Variants in IL1RAPL2 observed in about 807,000 individuals in gnomAD.
IL1RAPL2 encodes X-linked interleukin-1 receptor accessory protein-like 2.
A neutral mutation model predicts 44.1 loss-of-function variants in IL1RAPL2; 3 were observed. That is an observed-to-expected ratio of 0.07 (90% CI 0.03 to 0.18). IL1RAPL2 has a LOEUF of 0.18. Ranked by LOEUF, IL1RAPL2 falls within the 10% of genes least tolerant of loss-of-function variation. The pLI, the probability that IL1RAPL2 is intolerant of heterozygous loss-of-function variation, is 1.00. For synonymous variants in IL1RAPL2, 181 were observed against 178.8 expected (o/e 1.01, Z -0.10); for missense variants, 391 against 496.4 (o/e 0.79, Z 2.02).
chrX:104,861,762 C>A (rs763153611), intron 2 of IL1RAPL2, among the ~76,000 whole-genome samples: 7 of 111,650 alleles, frequency 6.3e-5, no homozygotes, highest in African/African-American at 2.3e-4. Context: ...CTTGAGATTA[C>A]TTTCAATACC....
At chrX:105,349,064 A>G (rs768432995) in intron 5 of IL1RAPL2, among the ~76,000 whole-genome samples, 1 of 112,338 alleles carries the variant, frequency 8.9e-6, no homozygotes, top group Admixed American at 9.5e-5. Flanking sequence ...AAGACTACCA[A>G]TGTTTTCACC....
intron 2 of IL1RAPL2, among the ~76,000 whole-genome samples, chrX:105,188,305 C>T (rs2033607139): frequency 1.8e-5 from 2 of 110,712 alleles, no homozygotes; most frequent in East Asian, 5.7e-4. Flanking sequence ...CAGTAGAAAC[C>T]CTGTTACAGG....
chrX:104,852,730 G>A (rs1922260488), intron 2 of IL1RAPL2, among the ~76,000 whole-genome samples: 1 of 111,931 alleles, frequency 8.9e-6, no homozygotes, highest in Admixed American at 9.5e-5. Flanking sequence ...GATCCCGTGG[G>A]GGCCATTAAA....
intron 6 of IL1RAPL2, among the ~76,000 whole-genome samples, chrX:105,554,585 C>T (rs763659018): frequency 7.8e-4 from 87 of 110,901 alleles, no homozygotes; most frequent in African/African-American, 2.6e-3. Context: ...TATTGTTCCA[C>T]GGGTCGCTGA....
chrX:104,619,160 C>A (rs1212274471), intron 1 of IL1RAPL2, among the ~76,000 whole-genome samples: 1 of 112,183 alleles, frequency 8.9e-6, no homozygotes, highest in African/African-American at 3.2e-5. Flanking sequence ...CAGTCCAGGG[C>A]AGGCACTCTA....
At chrX:105,169,926 T>G (rs1184300928) in intron 2 of IL1RAPL2, among the ~76,000 whole-genome samples, 5 of 89,940 alleles carry the variant, frequency 5.6e-5, no homozygotes, top group African/African-American at 4.3e-4. Flanking sequence ...ATAAATTGAG[T>G]TGGTCCTAGG....
At chrX:105,192,826 C>CTATTGTA (rs2033643839) in intron 2 of IL1RAPL2, among the ~76,000 whole-genome samples, 3 of 111,948 alleles carry the variant, frequency 2.7e-5, no homozygotes, top group African/African-American at 9.7e-5. Context: ...TATTGTATTG[C>CTATTGTA]TGTTCTCTGG....
intron 2 of IL1RAPL2, among the ~76,000 whole-genome samples, chrX:105,155,654 G>C (rs773258995): frequency 1.8e-5 from 2 of 111,423 alleles, no homozygotes; most frequent in East Asian, 5.7e-4. Context: ...AGAGACTACA[G>C]AGAGGGGGCC....
chrX:104,941,484 G>T (rs1362333974), intron 2 of IL1RAPL2, among the ~76,000 whole-genome samples: 1 of 111,674 alleles, frequency 9.0e-6, no homozygotes, highest in East Asian at 2.8e-4. Flanking sequence ...TGTGTCTGTT[G>T]GCTGCATAAA....
At chrX:105,585,292 A>G (rs2037118955) in intron 6 of IL1RAPL2, among the ~76,000 whole-genome samples, 1 of 108,547 alleles carries the variant, frequency 9.2e-6, no homozygotes, top group African/African-American at 3.3e-5. Context: ...TTATGTTCCT[A>G]GGTACTAGAG....
At chrX:105,413,548 A>AT (rs1456252874) in intron 5 of IL1RAPL2, among the ~76,000 whole-genome samples, 1 of 111,576 alleles carries the variant, frequency 9.0e-6, no homozygotes, top group Non-Finnish European at 1.9e-5. Flanking sequence ...AAAGGAATGG[A>AT]TTTTTTCCTA....
intron 2 of IL1RAPL2, among the ~76,000 whole-genome samples, chrX:104,857,850 A>G (rs969906278): frequency 1.8e-5 from 2 of 111,234 alleles, no homozygotes; most frequent in African/African-American, 6.5e-5. Context: ...TTGTCCCTAT[A>G]GTACCTGCTG....
chrX:104,601,477 T>C (rs1385162128), intron 1 of IL1RAPL2, among the ~76,000 whole-genome samples: 1 of 111,918 alleles, frequency 8.9e-6, no homozygotes, highest in African/African-American at 3.2e-5. Context: ...GTTTGTTACA[T>C]GTGTAAATTG....
intron 1 of IL1RAPL2, among the ~76,000 whole-genome samples, chrX:104,603,950 A>C (rs1271691282): frequency 8.9e-6 from 1 of 111,764 alleles, no homozygotes; most frequent in East Asian, 2.8e-4. Flanking sequence ...CAGGATATAC[A>C]GAGAACACCA....
intron 2 of IL1RAPL2, among the ~76,000 whole-genome samples, chrX:104,922,011 C>A (rs954228968): frequency 8.9e-6 from 1 of 112,104 alleles, no homozygotes; most frequent in African/African-American, 3.2e-5. Flanking sequence ...GAGGGTTGTC[C>A]CAGTAGCCCG....
intron 2 of IL1RAPL2, among the ~76,000 whole-genome samples, chrX:105,162,089 A>C (rs1322146199): frequency 8.9e-6 from 1 of 112,429 alleles, no homozygotes; most frequent in Non-Finnish European, 1.9e-5. Flanking sequence ...ATAATAATAT[A>C]AACTAGTTGT....
intron 5 of IL1RAPL2, among the ~76,000 whole-genome samples, chrX:105,295,531 A>G (rs1396406172): frequency 1.8e-5 from 2 of 111,815 alleles, no homozygotes; most frequent in Non-Finnish European, 3.8e-5. Flanking sequence ...TTTTCAAGCC[A>G]TGAGTTACAT....
chrX:105,512,916 C>T (rs996127032), intron 6 of IL1RAPL2, among the ~76,000 whole-genome samples: 1 of 110,521 alleles, frequency 9.0e-6, no homozygotes, highest in African/African-American at 3.3e-5. Context: ...CTACCCCTCC[C>T]CTAGGCCCCC....
chrX:105,159,492 G>C (rs1204564823), intron 2 of IL1RAPL2, among the ~76,000 whole-genome samples: 1 of 112,352 alleles, frequency 8.9e-6, no homozygotes, highest in Non-Finnish European at 1.9e-5. Context: ...ATAGGGAATG[G>C]CTTGGTTTTT....
Sources: gnomAD v4.1 joint callset for allele counts (sites outside exome capture counted in the v4.1 genomes callset) on GRCh38, gnomAD v4.1.1 for gene constraint, MANE v1.5 for transcripts, NCBI Gene and HGNC (gene_info 2026-07-23, HGNC 2026-07-21) for gene names.